Variants in FIRRM observed in about 807,000 individuals in gnomAD.
FIRRM encodes FIGNL1 interacting regulator of recombination and mitosis, also known as FIGNL1-interacting regulator of recombination and mitosis.
At chr1:169,821,645 T>G in the FIRRM span, 3 of 1,440,736 alleles carry the variant, frequency 2.1e-6, no homozygotes, top group South Asian at 1.3e-5. Context: ...CTTTTCTTAT[T>G]TATTATGCTT....
chr1:169,847,915 G>GA, the FIRRM span: 11,910 of 521,794 alleles, frequency 0.023, no homozygotes, highest in South Asian at 0.036. Flanking sequence ...GACAAAGTTG[G>GA]AAAAAAAAAA....
At chr1:169,801,376 C>A in the FIRRM span, among the ~76,000 whole-genome samples, 1 of 133,258 alleles carries the variant, frequency 7.5e-6, no homozygotes, top group South Asian at 2.5e-4. Flanking sequence ...GCCTGGGAGG[C>A]GGAGGTTGCA....
chr1:169,813,398 GT>G, the FIRRM span, among the ~76,000 whole-genome samples: 1 of 152,158 alleles, frequency 6.6e-6, no homozygotes, highest in Middle Eastern at 3.2e-3. Flanking sequence ...ACTACCCACT[GT>G]TTTATCAATT....
the FIRRM span, chr1:169,853,851 G>A: frequency 6.6e-7 from 1 of 1,523,344 alleles, no homozygotes; most frequent in Non-Finnish European, 9.1e-7. Context: ...GAAAAAGCAG[G>A]AATTTAAAAT....
the FIRRM span, chr1:169,795,929 G>A: frequency 1.0e-6 from 1 of 985,454 alleles, no homozygotes; most frequent in Non-Finnish European, 1.2e-6. Context: ...GCACATTCTT[G>A]ATTGGTCTCA....
chr1:169,811,742 AGATTAT>A, the FIRRM span, among the ~76,000 whole-genome samples: 1 of 146,230 alleles, frequency 6.8e-6, no homozygotes, highest in African/African-American at 2.6e-5. Context: ...GATAATAGAC[AGATTAT>A]CTAAATAGAT....
chr1:169,792,837 A>G, the FIRRM span: 1 of 1,613,896 alleles, frequency 6.2e-7, no homozygotes, highest in Non-Finnish European at 8.5e-7. Context: ...ATGAGATCAT[A>G]TTTTACAAAA....
chr1:169,794,480 A>T, the FIRRM span, among the ~76,000 whole-genome samples: 38 of 152,298 alleles, frequency 2.5e-4, no homozygotes, highest in African/African-American at 8.2e-4. Context: ...AGCAAACGCA[A>T]ACTAGGGCAC....
At chr1:169,805,191 CTATT>C in the FIRRM span, among the ~76,000 whole-genome samples, 2 of 152,340 alleles carry the variant, frequency 1.3e-5, no homozygotes, top group African/African-American at 2.4e-5. Context: ...TATTTATTCA[CTATT>C]TATTTATTCA....
the FIRRM span, among the ~76,000 whole-genome samples, chr1:169,789,376 C>T: frequency 0.011 from 1,750 of 152,296 alleles, 40 homozygotes; most frequent in African/African-American, 0.04. Flanking sequence ...TGACACTTAT[C>T]CACCCCACAG....
chr1:169,838,088 C>A, the FIRRM span, among the ~76,000 whole-genome samples: 2 of 152,110 alleles, frequency 1.3e-5, no homozygotes, highest in African/African-American at 4.8e-5. Context: ...CAGGCTCCCA[C>A]CACCATGCCC....
the FIRRM span, chr1:169,793,780 T>C: frequency 7.7e-7 from 1 of 1,302,738 alleles, no homozygotes. Flanking sequence ...TCTGCCTCAA[T>C]TATTCAATTA....
the FIRRM span, among the ~76,000 whole-genome samples, chr1:169,841,449 G>A: frequency 6.6e-6 from 1 of 152,186 alleles, no homozygotes. Context: ...ATAAAATTAA[G>A]TGTGGTTGTG....
chr1:169,841,014 C>G, the FIRRM span, among the ~76,000 whole-genome samples: 2 of 152,122 alleles, frequency 1.3e-5, no homozygotes, highest in Admixed American at 1.3e-4. Context: ...GAGTGGGCAT[C>G]CTTGTCTTGT....
chr1:169,832,811 T>TA, the FIRRM span, among the ~76,000 whole-genome samples: 1 of 152,080 alleles, frequency 6.6e-6, no homozygotes, highest in Admixed American at 6.6e-5. Flanking sequence ...TCTCACTATG[T>TA]TGCCTAGGCT....
the FIRRM span, among the ~76,000 whole-genome samples, chr1:169,812,477 G>A: frequency 5.9e-5 from 9 of 152,180 alleles, no homozygotes; most frequent in African/African-American, 1.2e-4. Context: ...GTGATATGAT[G>A]ACGTCTATGC....
the FIRRM span, chr1:169,851,588 T>TATC: frequency 2.2e-5 from 12 of 556,600 alleles, no homozygotes; most frequent in African/African-American, 1.1e-4. Flanking sequence ...GTTAGCAGAC[T>TATC]ATCATTTTTT....
chr1:169,850,335 T>G, the FIRRM span: 1 of 1,605,222 alleles, frequency 6.2e-7, no homozygotes, highest in Non-Finnish European at 8.5e-7. Flanking sequence ...GTTGTATCCT[T>G]TCTGGAGAAG....
the FIRRM span, chr1:169,851,792 C>G: frequency 1.2e-6 from 2 of 1,608,992 alleles, no homozygotes; most frequent in Admixed American, 3.4e-5. Context: ...TTGCTATTTG[C>G]TTGGTTTTTC....
Sources: allele counts gnomAD v4.1 joint callset (sites outside exome capture counted in the v4.1 genomes callset), GRCh38; gene constraint gnomAD v4.1.1; transcripts MANE v1.5; gene names NCBI Gene and HGNC (gene_info 2026-07-23, HGNC 2026-07-21).